The following ARNT2 variants were observed in gnomAD, a reference collection of about 807,000 sequenced individuals.
ARNT2 encodes ARNT protein 2.
A neutral mutation model predicts 91.7 loss-of-function variants in ARNT2; 36 were observed. The ratio of observed to expected loss-of-function variants is 0.39; its 90% confidence interval spans 0.30 to 0.52. The LOEUF is 0.52. Ranked by LOEUF, ARNT2 falls within the 20% of genes least tolerant of loss-of-function variation. The probability of loss-of-function intolerance (pLI) is 0.72; values close to 1 mark genes in which losing one functional copy is unlikely to be tolerated. For missense variants in ARNT2, 775 were observed against 939.3 expected, an observed-to-expected ratio of 0.83 and a Z score of 2.29; for synonymous variants, 365 against 347.1, an observed-to-expected ratio of 1.05 and a Z score of -0.57.
chr15:80,576,919 T>C lies in ARNT2; in HGVS notation c.1567T>C (p.Ser523Pro). 1 of 1,614,042 alleles carries C rather than the reference T, an allele frequency of 6.2e-7. No homozygotes were observed. Among genetic ancestry groups the C allele is most frequent in the Non-Finnish European group, 8.5e-7 (1 of 1,180,020 alleles). Residue 523 changes from serine to proline, a missense_variant, in exon 15 of 19, where the codon TCC (serine) becomes CCC (proline). Coordinates refer to ENST00000303329, the MANE Select transcript of ARNT2 (RefSeq NM_014862.4). ...ASAAGTQQIYSQGSPFPSGHS... is the reference protein window; with the variant it reads ...ASAAGTQQIYPQGSPFPSGHS... ...TGCAGCAGGAACCCAGCAGATCTACTCCCAAGGAAGCCCATTTCCCTCTGG... is the reference window on the plus strand; with the variant it reads ...TGCAGCAGGAACCCAGCAGATCTACCCCCAAGGAAGCCCATTTCCCTCTGG...
intron 5 of ARNT2, among the ~76,000 whole-genome samples, chr15:80,485,972 C>T (rs1473663412): frequency 6.6e-6 from 1 of 152,174 alleles, no homozygotes; most frequent in Non-Finnish European, 1.5e-5. Context: ...TGTTATCTTG[C>T]CGTTCTGGAG....
At chr15:80,493,651 C>T (rs899564800) in intron 5 of ARNT2, among the ~76,000 whole-genome samples, 2 of 152,170 alleles carry the variant, frequency 1.3e-5, no homozygotes, top group African/African-American at 4.8e-5. Flanking sequence ...TTCTCTCTCT[C>T]CTGCTTGGAG....
chr15:80,549,848 G>T (rs925569981), intron 8 of ARNT2, among the ~76,000 whole-genome samples: 4 of 152,134 alleles, frequency 2.6e-5, no homozygotes, highest in Non-Finnish European at 4.4e-5. Context: ...CACTTCTAGG[G>T]ATCCACTCCG....
intron 1 of ARNT2, among the ~76,000 whole-genome samples, chr15:80,410,573 C>G (rs145261010): frequency 5.8e-4 from 89 of 152,272 alleles, no homozygotes; most frequent in African/African-American, 2.0e-3. Context: ...ACCAGGTTCT[C>G]TAAATGCTTT....
chr15:80,501,349 T>C (rs1405186284), intron 5 of ARNT2, among the ~76,000 whole-genome samples: 1 of 152,150 alleles, frequency 6.6e-6, no homozygotes, highest in Non-Finnish European at 1.5e-5. Flanking sequence ...ATATACACCA[T>C]GAGGCCTCAG....
chr15:80,538,632 T>G (rs945903321), intron 8 of ARNT2, among the ~76,000 whole-genome samples: 2 of 152,090 alleles, frequency 1.3e-5, no homozygotes. Context: ...TTTTTATTAT[T>G]AAATGTGGGA....
chr15:80,593,707 A>G lies in ARNT2; in HGVS notation c.*9A>G. On this transcript the variant is annotated 3_prime_UTR_variant, in exon 19 of 19. Coordinates refer to ENST00000303329, the MANE Select transcript of ARNT2 (RefSeq NM_014862.4). Reference sequence around the variant, plus strand: ...CACCGTTTTCTGAGTAGCTGCGGCCAGAGTGAGGCTCCTGCTGTACAGTGC... The same window carrying G: ...CACCGTTTTCTGAGTAGCTGCGGCCGGAGTGAGGCTCCTGCTGTACAGTGC... 3 of 1,594,248 alleles carry G rather than the reference A, an allele frequency of 1.9e-6. No homozygotes were observed. Among genetic ancestry groups the G allele is most frequent in the East Asian group, 2.2e-5 (1 of 44,538 alleles).
intron 11 of ARNT2, among the ~76,000 whole-genome samples, chr15:80,559,178 C>T (rs1369810760): frequency 2.0e-5 from 3 of 152,224 alleles, no homozygotes; most frequent in Non-Finnish European, 4.4e-5. Flanking sequence ...GCTGTCAGAA[C>T]CGGTTGGTTT....
intron 3 of ARNT2, among the ~76,000 whole-genome samples, chr15:80,458,658 G>A (rs1896512321): frequency 6.6e-6 from 1 of 151,692 alleles, no homozygotes; most frequent in African/African-American, 2.4e-5. Flanking sequence ...CCAACCCCAT[G>A]ACTGTGTCTT....
chr15:80,443,397 A>T (rs1036064296), intron 1 of ARNT2, among the ~76,000 whole-genome samples: 1 of 152,158 alleles, frequency 6.6e-6, no homozygotes, highest in Non-Finnish European at 1.5e-5. Context: ...GCCTTGTCTG[A>T]TGTGGCTTCC....
chr15:80,477,296 C>T (rs542470954), intron 5 of ARNT2, among the ~76,000 whole-genome samples: 12 of 152,304 alleles, frequency 7.9e-5, no homozygotes, highest in Non-Finnish European at 1.6e-4. Flanking sequence ...AAGATCAAGG[C>T]ACCTTGATGT....
intron 4 of ARNT2, 75 bp from the exon 5 acceptor site, chr15:80,474,935 T>C: frequency 2.8e-6 from 4 of 1,442,908 alleles, no homozygotes; most frequent in Non-Finnish European, 3.9e-6. Flanking sequence ...AATTGAAGGC[T>C]GCTTTCCCAA....
chr15:80,542,465 A>G lies in ARNT2; in HGVS notation c.878-8734A>G, dbSNP rs368698370. On this transcript the variant is annotated intron_variant, in intron 8 of 18. Coordinates refer to ENST00000303329, the MANE Select transcript of ARNT2 (RefSeq NM_014862.4). ...TATTCATAGATTTTGTGCATTAGGA[A>G]TTAGACAGGGTATAGTAGGATGGCA... is the stretch of plus-strand genomic sequence containing the variant. Among the ~76,000 whole-genome samples the G allele has an allele frequency of 8.5e-5, 13 of 152,294 alleles. No individual in the cohort carries two copies. The East Asian group carries it at 2.3e-3, about 27-fold the overall frequency.
At chr15:80,486,393 A>G (rs1024177915) in intron 5 of ARNT2, among the ~76,000 whole-genome samples, 1 of 152,158 alleles carries the variant, frequency 6.6e-6, no homozygotes, top group Non-Finnish European at 1.5e-5. Flanking sequence ...GGTTAACTTC[A>G]CCAGATATGT....
chr15:80,428,442 T>C (rs1208742004), intron 1 of ARNT2, among the ~76,000 whole-genome samples: 2 of 152,248 alleles, frequency 1.3e-5, no homozygotes, highest in Non-Finnish European at 2.9e-5. Context: ...CTCTTCTGCC[T>C]GCGTTCTTAT....
At position 80,415,195 on chromosome 15, in the gene ARNT2, A is replaced by T. The variant is rs573875190; in HGVS notation, c.31+10649A>T. Among the ~76,000 whole-genome samples the T allele has an allele frequency of 6.6e-5, 10 of 152,324 alleles. No homozygotes were observed. In the South Asian group the frequency reaches 2.1e-3, roughly 32 times the overall value. Reference sequence around the variant, plus strand: ...CTGTGGTGTCCCACAGATTCTGCAAAGCCCACCGCTCCCACATATTTCCTC... The same window carrying T: ...CTGTGGTGTCCCACAGATTCTGCAATGCCCACCGCTCCCACATATTTCCTC... On this transcript the variant is annotated intron_variant, in intron 1 of 18. Transcript: ENST00000303329.
At chr15:80,467,452 G>A (rs1264947418) in intron 3 of ARNT2, among the ~76,000 whole-genome samples, 1 of 152,220 alleles carries the variant, frequency 6.6e-6, no homozygotes, top group African/African-American at 2.4e-5. Flanking sequence ...AGGGCTGTGG[G>A]TGGTGCCTAA....
chr15:80,510,108 T>A (rs1897321305), intron 6 of ARNT2, among the ~76,000 whole-genome samples: 3 of 152,274 alleles, frequency 2.0e-5, no homozygotes, highest in Admixed American at 2.0e-4. Context: ...GAAATGTGAT[T>A]GTGGTAGAAA....
chr15:80,433,257 ATTTTATTTTATTTTATTTTATTTTAT>A (rs1187284777), intron 1 of ARNT2, among the ~76,000 whole-genome samples: 3 of 126,220 alleles, frequency 2.4e-5, no homozygotes, highest in Non-Finnish European at 3.3e-5. Context: ...ATTTTATTTT[ATTTTATTTTATTTTATTTTATTTTAT>A]TTTATTTTAT....
Sources: allele counts gnomAD v4.1 joint callset (sites outside exome capture counted in the v4.1 genomes callset), GRCh38; gene constraint gnomAD v4.1.1; transcripts MANE v1.5; gene names NCBI Gene and HGNC (gene_info 2026-07-23, HGNC 2026-07-21).